The following MAMLD1 variants were observed in gnomAD, a reference collection of about 807,000 sequenced individuals.
The protein encoded by MAMLD1 is mastermind-like domain-containing protein 1.
Under a neutral mutation model 45.0 loss-of-function variants are expected in MAMLD1, and 14 were observed. That is an observed-to-expected ratio of 0.31 (90% CI 0.21 to 0.49). The LOEUF (loss-of-function observed/expected upper bound fraction) is 0.49, where lower values mean the gene tolerates loss of function less well. Among genes scored for constraint, MAMLD1 ranks in the 20% least tolerant of loss-of-function variants. MAMLD1 has a pLI of 0.99. For missense variants in MAMLD1, 543 were observed against 603.6 expected (o/e 0.90, Z 1.05); for synonymous variants, 254 against 247.8 (o/e 1.02, Z -0.24).
intron 5 of MAMLD1, among the ~76,000 whole-genome samples, chrX:150,496,765 G>T (rs964328000): frequency 2.5e-4 from 28 of 112,007 alleles, no homozygotes; most frequent in Admixed American, 1.1e-3. Flanking sequence ...CTTGGTCACT[G>T]TGAAAATGCC....
intron 1 of MAMLD1, among the ~76,000 whole-genome samples, chrX:150,427,863 C>G (rs2034767358): frequency 9.0e-6 from 1 of 111,596 alleles, no homozygotes; most frequent in Non-Finnish European, 1.9e-5. Flanking sequence ...CCACATACTC[C>G]TCTTCCTTTC....
rs2033598473 is a variant in MAMLD1 at position 150,398,343 on chromosome X, GGAAGA to G, written c.-64+34815_-64+34819del. Among the ~76,000 whole-genome samples the G allele has an allele frequency of 1.6e-4, 9 of 56,452 alleles. 1 individual carries two copies. Among genetic ancestry groups the G allele is most frequent in the Non-Finnish European group, 2.9e-4 (8 of 27,725 alleles). The allele number at this position is 56,452 out of a possible 115,157, so 49.0% of individuals were successfully genotyped here. A position where few individuals can be genotyped will look rare whatever the true frequency, so the allele number is the denominator to read the frequency against. ...AAGAAGAAGAAGAAGAAGAAGAAGA[GGAAGA>G]GGAAGAGGAAGAGGAAGAGGAAGAG... On this transcript the variant is annotated intron_variant, in intron 1 of 7. Transcript: ENST00000370401.
chrX:150,439,270 G>A (rs1557404410), intron 1 of MAMLD1, among the ~76,000 whole-genome samples: 4 of 111,816 alleles, frequency 3.6e-5, no homozygotes, highest in African/African-American at 9.8e-5. Flanking sequence ...ATTTGCAAAT[G>A]TTTTCTCCCA....
rs1305039606 is a variant in MAMLD1, at chrX:150,512,889, C to T, written c.*930C>T. The T allele has an allele frequency of 2.4e-5, 28 of 1,153,481 alleles. No individual in the cohort carries two copies. In the African/African-American group the frequency reaches 3.6e-4, roughly 15 times the overall value. On this transcript the variant is annotated 3_prime_UTR_variant, in exon 8 of 8. Coordinates refer to ENST00000370401, the MANE Select transcript of MAMLD1 (RefSeq NM_005491.5). ...CAACCCCCACTAAATGATCTGATTTCGTCACCTGACTGCAATGAGGTAGAT... is the reference window on the plus strand; with the variant it reads ...CAACCCCCACTAAATGATCTGATTTTGTCACCTGACTGCAATGAGGTAGAT...
chrX:150,493,918 T>A (rs888906057), intron 5 of MAMLD1, among the ~76,000 whole-genome samples: 27 of 112,151 alleles, frequency 2.4e-4, no homozygotes, highest in Non-Finnish European at 4.3e-4. Context: ...AATATATAAA[T>A]AATCCAGAAA....
intron 2 of MAMLD1, among the ~76,000 whole-genome samples, chrX:150,460,957 G>T (rs1388417489): frequency 8.9e-6 from 1 of 112,450 alleles, no homozygotes; most frequent in Non-Finnish European, 1.9e-5. Context: ...CTGCCTCAGG[G>T]ACCTCGCATC....
intron 2 of MAMLD1, among the ~76,000 whole-genome samples, chrX:150,457,753 T>G (rs1404303578): frequency 2.7e-5 from 3 of 111,958 alleles, no homozygotes; most frequent in African/African-American, 9.8e-5. Flanking sequence ...CCCATTTATA[T>G]GAAGTATTCA....
Position 150,464,817 on chromosome X carries a change from A to G in MAMLD1, c.171+1971A>G, listed in dbSNP as rs185434148. 9.8e-5 allele frequency among the ~76,000 whole-genome samples: 11 copies of G among 111,993 alleles called. No individual in the cohort carries two copies. In the Admixed American group the frequency reaches 1.0e-3, roughly 11 times the overall value. ...AAGTCTAATTTAGTTGGCCAACATCAGGTGCCTCAAAATTCATAGGGGGAA... is the reference window on the plus strand; with the variant it reads ...AAGTCTAATTTAGTTGGCCAACATCGGGTGCCTCAAAATTCATAGGGGGAA... On this transcript the variant is annotated intron_variant, in intron 3 of 7. Coordinates refer to ENST00000370401, the MANE Select transcript of MAMLD1 (RefSeq NM_005491.5).
chrX:150,391,844 G>A (rs782551214), intron 1 of MAMLD1, among the ~76,000 whole-genome samples: 5 of 111,398 alleles, frequency 4.5e-5, no homozygotes, highest in East Asian at 2.8e-4. Context: ...ACTTTTTAGC[G>A]GGCAGTCTTT....
In MAMLD1 at chrX:150,512,488, C is replaced by T. The variant is rs2037930822; in HGVS notation, c.*529C>T. ...CACCCCTCAGCCAAGTGGATAATAG[C>T]GTTCAGCAGCACTCACCTTCTGGCC... On this transcript the variant is annotated 3_prime_UTR_variant, in exon 8 of 8. Transcript: ENST00000370401. 5 of 1,156,106 alleles carry T rather than the reference C, an allele frequency of 4.3e-6. No individual in the cohort carries two copies. Among genetic ancestry groups the T allele is most frequent in the South Asian group, 1.9e-5 (1 of 52,761 alleles).
At chrX:150,407,152 A>T (rs2034018869) in intron 1 of MAMLD1, among the ~76,000 whole-genome samples, 1 of 112,386 alleles carries the variant, frequency 8.9e-6, no homozygotes, top group East Asian at 2.8e-4. Flanking sequence ...AAATGTTTTT[A>T]AAAGCATAAA....
intron 1 of MAMLD1, among the ~76,000 whole-genome samples, chrX:150,363,760 C>T (rs1458218489): frequency 8.9e-6 from 1 of 112,583 alleles, no homozygotes; most frequent in Non-Finnish European, 1.9e-5. Context: ...CCGGAGACCA[C>T]GGCCTTTGGC....
intron 1 of MAMLD1, among the ~76,000 whole-genome samples, chrX:150,378,784 C>T (rs781945745): frequency 1.8e-5 from 2 of 111,214 alleles, no homozygotes; most frequent in East Asian, 5.6e-4. Flanking sequence ...AGGTTTGTCC[C>T]GTGGGAACTC....
chrX:150,402,950 A>T (rs1217870509), intron 1 of MAMLD1, among the ~76,000 whole-genome samples: 20 of 110,709 alleles, frequency 1.8e-4, no homozygotes, highest in African/African-American at 6.3e-4. Flanking sequence ...GAGGGATGGC[A>T]TTGGGAGATA....
chrX:150,414,706 T>G (rs1156728220), intron 1 of MAMLD1, among the ~76,000 whole-genome samples: 2 of 111,949 alleles, frequency 1.8e-5, no homozygotes, highest in Non-Finnish European at 3.8e-5. Context: ...TTGGGTTATC[T>G]GCTGAAGTAT....
chrX:150,449,861 TG>T (rs1806920081), intron 2 of MAMLD1, among the ~76,000 whole-genome samples: 1 of 110,021 alleles, frequency 9.1e-6, no homozygotes, highest in Admixed American at 9.5e-5. Flanking sequence ...TGGAGGCAAG[TG>T]TTTGAGCGTC....
Position 150,481,168 on chromosome X carries a change from C to A in MAMLD1, c.2040+7366C>A, listed in dbSNP as rs146435506. Among the ~76,000 whole-genome samples the A allele has an allele frequency of 2.5e-3, 278 of 113,134 alleles. 3 individuals are homozygous for A. The highest frequency in any genetic ancestry group is 8.6e-3 in the African/African-American group (267 of 31,190). ...AGCTTTGAACGATGTGGGAGGCCCT[C>A]ACCCATCCCTGAGTGGGAATAACTG... On this transcript the variant is annotated intron_variant, in intron 5 of 7. Transcript: ENST00000370401.
intron 1 of MAMLD1, among the ~76,000 whole-genome samples, chrX:150,422,761 A>G (rs1035729759): frequency 4.5e-5 from 5 of 111,821 alleles, no homozygotes; most frequent in Non-Finnish European, 9.4e-5. Context: ...TTAACATTCT[A>G]GGATTCTAAC....
chrX:150,489,328 T>G (rs1285454849), intron 5 of MAMLD1, among the ~76,000 whole-genome samples: 1 of 110,714 alleles, frequency 9.0e-6, no homozygotes, highest in Non-Finnish European at 1.9e-5. Flanking sequence ...GTGAGAGCTC[T>G]CTTCCTGATT....
Sources: allele counts gnomAD v4.1 joint callset (sites outside exome capture counted in the v4.1 genomes callset), GRCh38; gene constraint gnomAD v4.1.1; transcripts MANE v1.5; gene names NCBI Gene and HGNC (gene_info 2026-07-23, HGNC 2026-07-21).